Variants in PTPRO observed in about 807,000 individuals in gnomAD.
PTPRO encodes the protein receptor-type tyrosine-protein phosphatase O.
PTPRO carries 62 observed loss-of-function variants against 145.2 expected under a neutral mutation model. The observed-to-expected ratio is 0.43, with a 90% CI of 0.35 to 0.53. The LOEUF (loss-of-function observed/expected upper bound fraction) is 0.53, where lower values mean the gene tolerates loss of function less well. Ranked by LOEUF, PTPRO falls within the 20% of genes least tolerant of loss-of-function variation. PTPRO has a pLI of 0.01. For missense variants in PTPRO, 1,345 were observed against 1,482.7 expected (o/e 0.91, Z 1.53); for synonymous variants, 565 against 514.7 (o/e 1.10, Z -1.32).
At chr12:15,587,989 G>C (rs1378715582) in intron 24 of PTPRO, among the ~76,000 whole-genome samples, 2 of 152,164 alleles carry the variant, frequency 1.3e-5, no homozygotes, top group Admixed American at 1.3e-4. Flanking sequence ...AAAGGAAAAT[G>C]CTTCATAAGC....
intron 1 of PTPRO, among the ~76,000 whole-genome samples, chr12:15,423,474 T>C (rs571109797): frequency 4.9e-4 from 75 of 152,012 alleles, no homozygotes; most frequent in Non-Finnish European, 8.5e-4. Context: ...GGTTACAGTG[T>C]TAAAACAATA....
At chr12:15,328,177 A>G (rs1866500883) in intron 1 of PTPRO, among the ~76,000 whole-genome samples, 1 of 151,568 alleles carries the variant, frequency 6.6e-6, no homozygotes, top group African/African-American at 2.4e-5. Flanking sequence ...GTAATCTGCT[A>G]TCACCAATTA....
intron 1 of PTPRO, among the ~76,000 whole-genome samples, chr12:15,354,569 T>C (rs1372617977): frequency 1.3e-5 from 2 of 152,188 alleles, no homozygotes; most frequent in African/African-American, 2.4e-5. Flanking sequence ...CTAAAAAATG[T>C]TAAGATTTAA....
intron 1 of PTPRO, among the ~76,000 whole-genome samples, chr12:15,417,466 G>A (rs1265074831): frequency 6.6e-6 from 1 of 151,674 alleles, no homozygotes; most frequent in African/African-American, 2.4e-5. Flanking sequence ...AGTATATTGA[G>A]AATGATTGAA....
At chr12:15,520,167 G>A in intron 9 of PTPRO, 34 bp from the exon 10 acceptor site, 1 of 1,450,638 alleles carries the variant, frequency 6.9e-7, no homozygotes, top group Non-Finnish European at 9.7e-7. Flanking sequence ...TTCTCCCACA[G>A]TCTTTTGTCT....
At chr12:15,468,225 A>T (rs1044348670) in intron 1 of PTPRO, among the ~76,000 whole-genome samples, 1 of 151,948 alleles carries the variant, frequency 6.6e-6, no homozygotes, top group Non-Finnish European at 1.5e-5. Context: ...AAAACTTTCC[A>T]CCCCCAATAG....
chr12:15,562,257 C>A (rs1420360340), intron 17 of PTPRO, among the ~76,000 whole-genome samples: 2 of 152,162 alleles, frequency 1.3e-5, no homozygotes, highest in East Asian at 1.9e-4. Flanking sequence ...ACTCACACAA[C>A]CACTCCAATT....
intron 1 of PTPRO, among the ~76,000 whole-genome samples, chr12:15,452,948 A>G (rs1462568706): frequency 6.6e-6 from 1 of 152,230 alleles, no homozygotes; most frequent in African/African-American, 2.4e-5. Flanking sequence ...AAGCTGTTTC[A>G]TAAATTTTCC....
intron 1 of PTPRO, among the ~76,000 whole-genome samples, chr12:15,419,482 T>G (rs1035567602): frequency 4.0e-5 from 6 of 151,656 alleles, no homozygotes; most frequent in Non-Finnish European, 5.9e-5. Flanking sequence ...AGCTAAATAC[T>G]TAACTGAAGT....
At chr12:15,590,321 C>T (rs544480125) in intron 25 of PTPRO, among the ~76,000 whole-genome samples, 3 of 152,250 alleles carry the variant, frequency 2.0e-5, no homozygotes, top group African/African-American at 7.2e-5. Flanking sequence ...CCCTTGTGGG[C>T]GCAAAAACCC....
intron 15 of PTPRO, among the ~76,000 whole-genome samples, chr12:15,552,747 C>T (rs1315855855): frequency 6.7e-6 from 1 of 148,606 alleles, no homozygotes; most frequent in East Asian, 2.0e-4. Flanking sequence ...TGGGATTGCA[C>T]TGTAACTACA....
chr12:15,404,047 A>G (rs1404248445), intron 1 of PTPRO, among the ~76,000 whole-genome samples: 2 of 151,452 alleles, frequency 1.3e-5, no homozygotes, highest in African/African-American at 4.9e-5. Flanking sequence ...ATACAAAAAA[A>G]TAGCCGGGCG....
At chr12:15,432,435 G>A (rs1940468498) in intron 1 of PTPRO, among the ~76,000 whole-genome samples, 1 of 152,126 alleles carries the variant, frequency 6.6e-6, no homozygotes, top group South Asian at 2.1e-4. Flanking sequence ...GTATGTCTTT[G>A]CTACTGTCAA....
rs556370600 is a variant in PTPRO, at chr12:15,443,302, GA to G, written c.76-40669del. The stretch of plus-strand genomic sequence containing the variant: ...GCTTTCCAGCCATATGCAGAAGAAT[GA>G]AACTGGATCCCATATACTACAATTA... On this transcript the variant is annotated intron_variant, in intron 1 of 26. Transcript: ENST00000281171. 8.5e-5 allele frequency among the ~76,000 whole-genome samples: 13 copies of G among 152,192 alleles called. No individual in the cohort carries two copies. In the South Asian group the frequency reaches 2.5e-3, roughly 29 times the overall value.
At chr12:15,589,395 G>C (rs747119943) in intron 24 of PTPRO, 60 bp from the exon 25 acceptor site, 112 of 1,608,618 alleles carry the variant, frequency 7.0e-5, no homozygotes, top group Non-Finnish European at 8.8e-5. Flanking sequence ...AAAAAAAAGA[G>C]GGGGGAGAAA....
rs1475644728 is a variant in PTPRO, at chr12:15,594,924, TC to T, written c.3547-12del. ...ATGTCTGCTCTGAAACCTGTTTTTG[TC>T]TTTTGTTCCAGGAGCAGTACATTTT... On this transcript the variant is annotated splice_polypyrimidine_tract_variant and intron_variant, in intron 25 of 26. Coordinates refer to ENST00000281171, the MANE Select transcript of PTPRO (RefSeq NM_030667.3). 2 of 1,601,956 alleles carry T rather than the reference TC, an allele frequency of 1.2e-6. No individual in the cohort carries two copies. The highest frequency in any genetic ancestry group is 3.3e-5 in the Admixed American group (2 of 59,998).
intron 1 of PTPRO, among the ~76,000 whole-genome samples, chr12:15,451,191 T>A (rs961122344): frequency 3.3e-5 from 5 of 152,020 alleles, no homozygotes; most frequent in Admixed American, 1.3e-4. Context: ...GCTATTCTTA[T>A]ATAAGACAAA....
At chr12:15,509,644 C>CCGAGATCACA (rs11282616) in intron 7 of PTPRO, among the ~76,000 whole-genome samples, 2 of 147,650 alleles carry the variant, frequency 1.4e-5, no homozygotes, top group Non-Finnish European at 3.0e-5. Context: ...TTGCAGTGAG[C>CCGAGATCACA]CCACTGTACT....
chr12:15,415,461 T>G (rs1039499106), intron 1 of PTPRO, among the ~76,000 whole-genome samples: 1 of 151,794 alleles, frequency 6.6e-6, no homozygotes, highest in Non-Finnish European at 1.5e-5. Context: ...CTTGGCTCAC[T>G]GCAAGCTCCG....
Sources: gnomAD v4.1 joint callset for allele counts (sites outside exome capture counted in the v4.1 genomes callset) on GRCh38, gnomAD v4.1.1 for gene constraint, MANE v1.5 for transcripts, NCBI Gene and HGNC (gene_info 2026-07-23, HGNC 2026-07-21) for gene names.